Variants in MARCHF1 observed in about 807,000 individuals in gnomAD.
MARCHF1 encodes the protein E3 ubiquitin-protein ligase MARCHF1.
A neutral mutation model predicts 54.2 loss-of-function variants in MARCHF1; 40 were observed. The observed-to-expected ratio is 0.74, with a 90% CI of 0.57 to 0.96. The LOEUF is 0.96. Among genes scored for constraint, MARCHF1 ranks in the 40% least tolerant of loss-of-function variants. The pLI is 0.00. For synonymous variants in MARCHF1, 236 were observed against 236.3 expected (o/e 1.00, Z 0.01); for missense variants, 586 against 656.5 (o/e 0.89, Z 1.17).
chr4:163,686,781 A>G (rs192995530), intron 5 of MARCHF1, among the ~76,000 whole-genome samples: 6 of 152,302 alleles, frequency 3.9e-5, no homozygotes, highest in Admixed American at 2.6e-4. Context: ...AGGCCCATGC[A>G]GAAAATGAGT....
At chr4:163,620,507 C>T (rs1046541179) in intron 5 of MARCHF1, among the ~76,000 whole-genome samples, 4 of 149,888 alleles carry the variant, frequency 2.7e-5, no homozygotes, top group Non-Finnish European at 4.4e-5. Context: ...TTGGAAACAA[C>T]CCAAGTGTTA....
At position 164,356,061 on chromosome 4, in the gene MARCHF1, A is replaced by G. The variant is rs1358322414; in HGVS notation, c.-323+27809T>C. 2.9e-5 allele frequency among the ~76,000 whole-genome samples: 4 copies of G among 136,922 alleles called. No individual in the cohort carries two copies. The East Asian group carries it at 8.5e-4, about 29-fold the overall frequency. 89.8% of individuals were successfully genotyped at this position (136,922 alleles called of 152,430 possible). On this transcript the variant is annotated intron_variant, in intron 1 of 9. Coordinates refer to ENST00000514618, the MANE Select transcript of MARCHF1 (RefSeq NM_001394959.1). Reference sequence around the variant, plus strand: ...CAGAGAAATGCAAATCAAAGCCACTATGAGACATCATCTCACACCAGTTAG... The same window carrying G: ...CAGAGAAATGCAAATCAAAGCCACTGTGAGACATCATCTCACACCAGTTAG...
At chr4:163,550,296 A>AAAAGAAAAG (rs1306473332) in intron 8 of MARCHF1, among the ~76,000 whole-genome samples, 1 of 148,324 alleles carries the variant, frequency 6.7e-6, no homozygotes, top group African/African-American at 2.5e-5. Flanking sequence ...AAAAAAAAAA[A>AAAAGAAAAG]AAAAGAAAAG....
intron 3 of MARCHF1, among the ~76,000 whole-genome samples, chr4:163,866,516 TA>T (rs1750054264): frequency 7.3e-6 from 1 of 137,166 alleles, no homozygotes; most frequent in Non-Finnish European, 1.6e-5. Flanking sequence ...ATATATATAA[TA>T]ATATATTATG....
intron 1 of MARCHF1, among the ~76,000 whole-genome samples, chr4:164,352,121 A>C (rs1272958628): frequency 1.6e-5 from 2 of 128,226 alleles, no homozygotes; most frequent in African/African-American, 2.7e-5. Flanking sequence ...TGAAAAGACC[A>C]AATCTACGTC....
In MARCHF1 at chr4:163,648,526, T is replaced by C. The variant is rs552902852; in HGVS notation, c.163-35133A>G. On this transcript the variant is annotated intron_variant, in intron 5 of 9. Coordinates refer to ENST00000514618, the MANE Select transcript of MARCHF1 (RefSeq NM_001394959.1). ...TTTTTGCCTCTCTTCTAGTTAATTG[T>C]GAAGACGTTATTCACTTTGCCATTC... Among the ~76,000 whole-genome samples, 7 of 151,330 alleles carry C rather than the reference T, an allele frequency of 4.6e-5. No homozygotes were observed. In the South Asian group the frequency reaches 1.5e-3, roughly 32 times the overall value.
rs1554002572 is a variant in MARCHF1, at chr4:164,340,405, T to TTATATATATATATATATATA, written c.-323+43464_-323+43465insTATATATATATATATATATA. ...ACAGCACATGCCACCAGGCCTTGAT[T>TTATATATATATATATATATA]TATATATAGATATATATATATATAT... On this transcript the variant is annotated intron_variant, in intron 1 of 9. Coordinates refer to ENST00000514618, the MANE Select transcript of MARCHF1 (RefSeq NM_001394959.1). Among the ~76,000 whole-genome samples the TTATATATATATATATATATA allele has an allele frequency of 9.6e-4, 92 of 95,606 alleles. 1 individual carries two copies. Among genetic ancestry groups the TTATATATATATATATATATA allele is most frequent in the South Asian group, 5.4e-3 (15 of 2,794 alleles). 62.7% of individuals were successfully genotyped at this position (95,606 alleles called of 152,430 possible).
intron 4 of MARCHF1, among the ~76,000 whole-genome samples, chr4:163,722,117 ATGT>A (rs1475063536): frequency 3.3e-5 from 5 of 151,590 alleles, no homozygotes; most frequent in African/African-American, 1.2e-4. Context: ...TTTAATTGTG[ATGT>A]TAGGGTGTCA....
At chr4:164,165,185 A>G (rs1480857198) in intron 1 of MARCHF1, among the ~76,000 whole-genome samples, 1 of 152,016 alleles carries the variant, frequency 6.6e-6, no homozygotes, top group Admixed American at 6.6e-5. Context: ...TATTATATCT[A>G]TTGTTGTGGA....
intron 3 of MARCHF1, among the ~76,000 whole-genome samples, chr4:163,879,804 C>CGTGTGTGTGTGTGT (rs60539215): frequency 5.9e-4 from 87 of 148,492 alleles, no homozygotes; most frequent in African/African-American, 1.5e-3. Context: ...GATTTAGAGG[C>CGTGTGTGTGTGTGT]GTGTGTGTGT....
intron 7 of MARCHF1, among the ~76,000 whole-genome samples, chr4:163,609,617 G>A (rs1741257841): frequency 6.7e-6 from 1 of 150,092 alleles, no homozygotes; most frequent in East Asian, 2.0e-4. Context: ...CTGTGTGTGT[G>A]TGTGTGTATA....
chr4:163,670,359 G>GATCT (rs34676660), intron 5 of MARCHF1, among the ~76,000 whole-genome samples: 15,567 of 143,494 alleles, frequency 0.11, 915 homozygotes, highest in Middle Eastern at 0.17. Flanking sequence ...CCTAGAGTAG[G>GATCT]ATCTATCTAT....
intron 1 of MARCHF1, among the ~76,000 whole-genome samples, chr4:164,156,280 T>C (rs866314945): frequency 4.6e-5 from 7 of 152,216 alleles, no homozygotes; most frequent in African/African-American, 1.7e-4. Context: ...TAGATATTCA[T>C]TGTTCATTTA....
chr4:164,133,241 C>G (rs1756337485), intron 1 of MARCHF1, among the ~76,000 whole-genome samples: 1 of 152,176 alleles, frequency 6.6e-6, no homozygotes, highest in Admixed American at 6.6e-5. Flanking sequence ...GGACCTGCCC[C>G]AGTGGGGAAA....
chr4:164,302,947 G>T (rs1187257993), intron 1 of MARCHF1, among the ~76,000 whole-genome samples: 1 of 151,726 alleles, frequency 6.6e-6, no homozygotes. Flanking sequence ...CTATCTGCAG[G>T]ATGAGGGAGT....
intron 8 of MARCHF1, among the ~76,000 whole-genome samples, chr4:163,577,565 T>C (rs1409304658): frequency 2.0e-5 from 3 of 152,074 alleles, no homozygotes; most frequent in Non-Finnish European, 2.9e-5. Context: ...GCCTCAGTGA[T>C]ATTCATTTTG....
chr4:164,101,871 A>T (rs1208075977), intron 2 of MARCHF1, among the ~76,000 whole-genome samples: 1 of 151,982 alleles, frequency 6.6e-6, no homozygotes, highest in African/African-American at 2.4e-5. Flanking sequence ...TTGAAAAAAA[A>T]TTTAGAAGAA....
intron 3 of MARCHF1, among the ~76,000 whole-genome samples, chr4:163,867,814 CTTTTTTT>C (rs34739113): frequency 3.1e-5 from 4 of 131,040 alleles, no homozygotes; most frequent in Non-Finnish European, 4.8e-5. Context: ...CATCAATTTC[CTTTTTTT>C]TTTTTTTTTT....
intron 1 of MARCHF1, among the ~76,000 whole-genome samples, chr4:164,201,504 G>A (rs1429932109): frequency 2.0e-5 from 3 of 152,120 alleles, no homozygotes; most frequent in Non-Finnish European, 4.4e-5. Flanking sequence ...ATAGGTGTGA[G>A]CCACCGTGCC....
Sources: gnomAD v4.1 joint callset for allele counts (sites outside exome capture counted in the v4.1 genomes callset) on GRCh38, gnomAD v4.1.1 for gene constraint, MANE v1.5 for transcripts, NCBI Gene and HGNC (gene_info 2026-07-23, HGNC 2026-07-21) for gene names.